ZSWIM5: variants seen among roughly 807,000 people sequenced by gnomAD.
ZSWIM5 encodes the protein zinc finger SWIM-type containing 5.
Under a neutral mutation model 119.6 loss-of-function variants are expected in ZSWIM5, and 55 were observed. The observed-to-expected ratio is 0.46, with a 90% CI of 0.37 to 0.58. The LOEUF (loss-of-function observed/expected upper bound fraction) is 0.58, where lower values mean the gene tolerates loss of function less well. Among genes scored for constraint, ZSWIM5 ranks in the 20% least tolerant of loss-of-function variants. The probability of loss-of-function intolerance (pLI) is 0.00; values close to 1 mark genes in which losing one functional copy is unlikely to be tolerated. For missense variants in ZSWIM5, 1,193 were observed against 1,512.8 expected, an observed-to-expected ratio of 0.79 and a Z score of 3.51; for synonymous variants, 537 against 606.9, an observed-to-expected ratio of 0.88 and a Z score of 1.69.
intron 1 of ZSWIM5, among the ~76,000 whole-genome samples, chr1:45,168,982 A>G (rs933754946): frequency 7.9e-5 from 12 of 152,094 alleles, no homozygotes; most frequent in Non-Finnish European, 1.3e-4. Flanking sequence ...AATTTGTGCT[A>G]TCTGCTTTAC....
chr1:45,178,817 A>G (rs1242327679), intron 1 of ZSWIM5, among the ~76,000 whole-genome samples: 2 of 152,106 alleles, frequency 1.3e-5, no homozygotes, highest in Non-Finnish European at 2.9e-5. Flanking sequence ...CCTTTCTATC[A>G]GTGTGGAAAA....
At chr1:45,149,737 T>C (rs1645784812) in intron 1 of ZSWIM5, among the ~76,000 whole-genome samples, 1 of 152,228 alleles carries the variant, frequency 6.6e-6, no homozygotes, top group African/African-American at 2.4e-5. Flanking sequence ...TATTAAAACA[T>C]AACATCTATC....
intron 1 of ZSWIM5, among the ~76,000 whole-genome samples, chr1:45,102,962 A>T (rs1025775563): frequency 3.9e-5 from 6 of 152,090 alleles, no homozygotes; most frequent in Non-Finnish European, 8.8e-5. Context: ...TTCAGGGTCA[A>T]GTGATCCTCT....
chr1:45,036,354 CTTT>C (rs34704739), intron 8 of ZSWIM5, 55 bp from the exon 9 acceptor site: 28,548 of 1,218,174 alleles, frequency 0.023, no homozygotes, highest in South Asian at 0.032. Context: ...AGTCTTCTTT[CTTT>C]TTTTTTTTTT....
chr1:45,179,337 G>A lies in ZSWIM5; in HGVS notation c.595+26419C>T, dbSNP rs145651513. ...AAACCATTATGCTATGTTAATTAAT[G>A]CAGAAACAGAAATTCAAAGACTAAA... On this transcript the variant is annotated intron_variant, in intron 1 of 13. Coordinates refer to ENST00000359600, the MANE Select transcript of ZSWIM5 (RefSeq NM_020883.2). 3.3e-5 allele frequency among the ~76,000 whole-genome samples: 5 copies of A among 152,178 alleles called. No individual in the cohort carries two copies. The East Asian group carries it at 9.6e-4, about 29-fold the overall frequency.
intron 1 of ZSWIM5, among the ~76,000 whole-genome samples, chr1:45,173,881 TA>T (rs1244451986): frequency 2.6e-5 from 4 of 152,130 alleles, no homozygotes; most frequent in Admixed American, 6.5e-5. Flanking sequence ...CATAATTGCT[TA>T]AAAAACTTTA....
chr1:45,031,516 T>TA (rs1390174052), intron 11 of ZSWIM5, among the ~76,000 whole-genome samples: 1 of 151,950 alleles, frequency 6.6e-6, no homozygotes, highest in Non-Finnish European at 1.5e-5. Context: ...TCCCTATGCT[T>TA]ACCTTGGGTT....
chr1:45,201,491 A>G (rs1646158035), intron 1 of ZSWIM5, among the ~76,000 whole-genome samples: 1 of 152,202 alleles, frequency 6.6e-6, no homozygotes, highest in Non-Finnish European at 1.5e-5. Context: ...ATATTCATAT[A>G]ACCCTCACCA....
At chr1:45,180,930 CT>C (rs1394249837) in intron 1 of ZSWIM5, among the ~76,000 whole-genome samples, 5 of 152,098 alleles carry the variant, frequency 3.3e-5, no homozygotes, top group Non-Finnish European at 7.4e-5. Flanking sequence ...AAAAACCCAT[CT>C]GTACATCACC....
chr1:45,204,542 C>T (rs1339075610), intron 1 of ZSWIM5, among the ~76,000 whole-genome samples: 1 of 152,122 alleles, frequency 6.6e-6, no homozygotes, highest in Non-Finnish European at 1.5e-5. Context: ...TGGTTAGAAA[C>T]ACAGGAATCA....
intron 1 of ZSWIM5, among the ~76,000 whole-genome samples, chr1:45,168,239 C>G (rs1645920596): frequency 6.6e-6 from 1 of 151,970 alleles, no homozygotes; most frequent in Non-Finnish European, 1.5e-5. Context: ...AAACCAAACA[C>G]CCCGTGTTCT....
chr1:45,112,360 TG>T (rs1645523903), intron 1 of ZSWIM5, among the ~76,000 whole-genome samples: 1 of 152,238 alleles, frequency 6.6e-6, no homozygotes, highest in Non-Finnish European at 1.5e-5. Context: ...ATAACTTGTC[TG>T]TACCTGAAGT....
chr1:45,153,420 C>T (rs964120102), intron 1 of ZSWIM5, among the ~76,000 whole-genome samples: 10 of 151,186 alleles, frequency 6.6e-5, no homozygotes, highest in Non-Finnish European at 8.8e-5. Context: ...ACATGAGAAT[C>T]GCTTGAACCT....
intron 1 of ZSWIM5, among the ~76,000 whole-genome samples, chr1:45,186,047 T>G (rs1437543340): frequency 1.3e-5 from 2 of 151,810 alleles, no homozygotes; most frequent in Non-Finnish European, 2.9e-5. Flanking sequence ...GTGGCACATA[T>G]ACACCATGGA....
intron 1 of ZSWIM5, among the ~76,000 whole-genome samples, chr1:45,138,637 C>T (rs1021003887): frequency 4.6e-5 from 7 of 151,806 alleles, no homozygotes; most frequent in Admixed American, 2.6e-4. Context: ...CATGAGGATA[C>T]AGGCTTCATT....
At chr1:45,168,127 T>C (rs1018836703) in intron 1 of ZSWIM5, among the ~76,000 whole-genome samples, 2 of 152,068 alleles carry the variant, frequency 1.3e-5, no homozygotes, top group Non-Finnish European at 2.9e-5. Context: ...ATATACAGCA[T>C]GGAATACTAT....
intron 4 of ZSWIM5, among the ~76,000 whole-genome samples, chr1:45,054,245 C>T (rs888297688): frequency 2.0e-5 from 3 of 151,936 alleles, no homozygotes; most frequent in African/African-American, 7.2e-5. Context: ...CCACTGTATT[C>T]CAGCCTAGGG....
At chr1:45,146,183 C>G (rs1645758533) in intron 1 of ZSWIM5, among the ~76,000 whole-genome samples, 2 of 152,092 alleles carry the variant, frequency 1.3e-5, no homozygotes, top group South Asian at 4.1e-4. Flanking sequence ...AGGACAATAG[C>G]TGGTAGAATT....
At chr1:45,099,561 C>T (rs1645425478) in intron 1 of ZSWIM5, among the ~76,000 whole-genome samples, 1 of 152,204 alleles carries the variant, frequency 6.6e-6, no homozygotes, top group Admixed American at 6.5e-5. Context: ...AGGCCAGCAT[C>T]ATCCTGATAC....
Sources: gnomAD v4.1 joint callset for allele counts (sites outside exome capture counted in the v4.1 genomes callset) on GRCh38, gnomAD v4.1.1 for gene constraint, MANE v1.5 for transcripts, NCBI Gene and HGNC (gene_info 2026-07-23, HGNC 2026-07-21) for gene names.